The following CCSER1 variants were observed in gnomAD, a reference collection of about 807,000 sequenced individuals.
The protein encoded by CCSER1 is coiled-coil serine rich protein 1.
In CCSER1, 41 loss-of-function variants were observed where a neutral mutation model predicts 82.0. The observed-to-expected ratio is 0.50, with a 90% CI of 0.39 to 0.65. The LOEUF (loss-of-function observed/expected upper bound fraction) is 0.65, where lower values mean the gene tolerates loss of function less well. Ranked by LOEUF, CCSER1 falls within the 30% of genes least tolerant of loss-of-function variation. CCSER1 has a pLI of 0.00. For synonymous variants in CCSER1, 414 were observed against 383.9 expected, an observed-to-expected ratio of 1.08 and a Z score of -0.92; for missense variants, 1,119 against 1,064.2, an observed-to-expected ratio of 1.05 and a Z score of -0.72.
At chr4:91,025,881 A>G (rs1464749041) in intron 9 of CCSER1, among the ~76,000 whole-genome samples, 2 of 151,864 alleles carry the variant, frequency 1.3e-5, no homozygotes, top group African/African-American at 2.4e-5. Context: ...TTTATTTTTA[A>G]TTCACAAGCT....
intron 3 of CCSER1, among the ~76,000 whole-genome samples, chr4:90,350,057 A>G (rs1272370221): frequency 1.3e-5 from 2 of 152,186 alleles, no homozygotes; most frequent in African/African-American, 4.8e-5. Flanking sequence ...AAACAAAAGT[A>G]TCAGATTCAG....
chr4:90,616,680 G>GTC (rs1236323999), intron 5 of CCSER1, among the ~76,000 whole-genome samples: 230 of 120,956 alleles, frequency 1.9e-3, no homozygotes, highest in Non-Finnish European at 3.1e-3. Context: ...GTGTGGCTCT[G>GTC]TCTCACACAC....
chr4:91,171,037 T>C (rs958439902), intron 10 of CCSER1, among the ~76,000 whole-genome samples: 3 of 152,326 alleles, frequency 2.0e-5, no homozygotes, highest in African/African-American at 7.2e-5. Flanking sequence ...CATGTTGTAG[T>C]CTTTGCAAGA....
At chr4:90,358,253 G>A (rs770352458) in intron 3 of CCSER1, among the ~76,000 whole-genome samples, 5 of 122,458 alleles carry the variant, frequency 4.1e-5, no homozygotes, top group African/African-American at 1.1e-4. Context: ...CTCTACTTGA[G>A]TGTTAATGAT....
At chr4:91,331,711 T>G (rs1442653897) in intron 10 of CCSER1, among the ~76,000 whole-genome samples, 2 of 152,160 alleles carry the variant, frequency 1.3e-5, no homozygotes, top group Admixed American at 6.6e-5. Flanking sequence ...TTTAAAAAGA[T>G]GTCAATTGAT....
intron 4 of CCSER1, among the ~76,000 whole-genome samples, chr4:90,422,428 T>C (rs1197016085): frequency 6.6e-6 from 1 of 152,024 alleles, no homozygotes; most frequent in Non-Finnish European, 1.5e-5. Flanking sequence ...CCCTCATCTT[T>C]ACAAAACATA....
At chr4:90,769,871 C>T (rs550276342) in intron 7 of CCSER1, among the ~76,000 whole-genome samples, 137 of 152,256 alleles carry the variant, frequency 9.0e-4, no homozygotes, top group African/African-American at 3.2e-3. Context: ...GAGGCCAATA[C>T]GCAGAGTATA....
intron 9 of CCSER1, among the ~76,000 whole-genome samples, chr4:90,959,001 GT>G (rs1263825784): frequency 6.6e-6 from 1 of 152,098 alleles, no homozygotes; most frequent in African/African-American, 2.4e-5. Flanking sequence ...ATATAACAAA[GT>G]AATTAGGTTA....
intron 1 of CCSER1, among the ~76,000 whole-genome samples, chr4:90,210,664 A>G (rs1739807870): frequency 2.0e-5 from 3 of 152,114 alleles, no homozygotes; most frequent in Admixed American, 6.5e-5. Context: ...AGGCTGCTCT[A>G]GAACTCCTGA....
At chr4:90,706,943 T>C (rs1043435651) in intron 6 of CCSER1, among the ~76,000 whole-genome samples, 3 of 152,152 alleles carry the variant, frequency 2.0e-5, no homozygotes, top group Non-Finnish European at 4.4e-5. Context: ...GCCATACCCA[T>C]CATGTTATGA....
chr4:90,962,600 A>AT (rs1734153465), intron 9 of CCSER1, among the ~76,000 whole-genome samples: 1 of 152,124 alleles, frequency 6.6e-6, no homozygotes, highest in Non-Finnish European at 1.5e-5. Flanking sequence ...ATATAACCAT[A>AT]TTACATGTGG....
At chr4:90,686,518 T>C (rs1346285825) in intron 6 of CCSER1, among the ~76,000 whole-genome samples, 3 of 151,958 alleles carry the variant, frequency 2.0e-5, no homozygotes, top group African/African-American at 7.3e-5. Context: ...CCCCCAAATT[T>C]CCAAATTATT....
At chr4:91,036,942 G>A (rs1379407156) in intron 9 of CCSER1, among the ~76,000 whole-genome samples, 1 of 151,962 alleles carries the variant, frequency 6.6e-6, no homozygotes, top group Non-Finnish European at 1.5e-5. Context: ...GCCAGGGGTG[G>A]TGGTGGAGGC....
At chr4:91,443,317 T>C (rs1755323843) in intron 10 of CCSER1, among the ~76,000 whole-genome samples, 1 of 152,084 alleles carries the variant, frequency 6.6e-6, no homozygotes, top group Non-Finnish European at 1.5e-5. Flanking sequence ...GTTCATGTGC[T>C]TTGTAGAGAC....
At chr4:90,439,691 C>G (rs1759569133) in intron 4 of CCSER1, among the ~76,000 whole-genome samples, 1 of 152,120 alleles carries the variant, frequency 6.6e-6, no homozygotes, top group South Asian at 2.1e-4. Flanking sequence ...TGCTTGCTAT[C>G]TAATATAGAA....
intron 10 of CCSER1, among the ~76,000 whole-genome samples, chr4:91,356,127 G>T (rs1211243000): frequency 2.0e-5 from 3 of 152,220 alleles, no homozygotes; most frequent in Non-Finnish European, 4.4e-5. Flanking sequence ...CCTTGGACAT[G>T]GGGGCCAGTC....
chr4:90,170,064 GT>G (rs1578304348), intron 1 of CCSER1, among the ~76,000 whole-genome samples: 1 of 151,448 alleles, frequency 6.6e-6, no homozygotes, highest in East Asian at 1.9e-4. Context: ...TCATTTATTG[GT>G]TTCTCTAAAA....
intron 5 of CCSER1, among the ~76,000 whole-genome samples, chr4:90,575,779 A>C (rs183436844): frequency 6.6e-5 from 10 of 152,136 alleles, no homozygotes; most frequent in African/African-American, 2.4e-4. Flanking sequence ...ACATTTAATA[A>C]ATGTTTTGGC....
At chr4:90,229,809 G>C (rs1157648882) in intron 1 of CCSER1, among the ~76,000 whole-genome samples, 1 of 152,102 alleles carries the variant, frequency 6.6e-6, no homozygotes, top group African/African-American at 2.4e-5. Flanking sequence ...AAAAAAGGCA[G>C]GGGTTGCAAT....
Sources: gnomAD v4.1 joint callset for allele counts (sites outside exome capture counted in the v4.1 genomes callset) on GRCh38, gnomAD v4.1.1 for gene constraint, MANE v1.5 for transcripts, NCBI Gene and HGNC (gene_info 2026-07-23, HGNC 2026-07-21) for gene names.